The following CUX2 variants were observed in gnomAD, a reference collection of about 807,000 sequenced individuals.
CUX2 encodes homeobox protein cut-like 2.
Under a neutral mutation model 144.8 loss-of-function variants are expected in CUX2, and 40 were observed. The observed-to-expected ratio is 0.28, with a 90% CI of 0.21 to 0.36. The LOEUF (loss-of-function observed/expected upper bound fraction) is 0.36, where lower values mean the gene tolerates loss of function less well. CUX2 is among the 10% of genes least tolerant of loss of function. CUX2 has a pLI of 1.00. For synonymous variants in CUX2, 827 were observed against 875.6 expected, an observed-to-expected ratio of 0.94 and a Z score of 0.98; for missense variants, 1,615 against 1,994.0, an observed-to-expected ratio of 0.81 and a Z score of 3.62.
At chr12:111,335,482 A>G (rs1309609275) in intron 19 of CUX2, among the ~76,000 whole-genome samples, 1 of 152,112 alleles carries the variant, frequency 6.6e-6, no homozygotes, top group African/African-American at 2.4e-5. Context: ...AGGCCAAGGC[A>G]GGCGAATCAC....
In CUX2 at chr12:111,183,441, C is replaced by T. The variant is rs114525182; in HGVS notation, c.64-30759C>T. 6.8e-3 allele frequency among the ~76,000 whole-genome samples: 1,033 copies of T among 152,328 alleles called. 9 individuals carry two copies. The highest frequency in any genetic ancestry group is 0.024 in the African/African-American group (982 of 41,584). ...ATTCTGTGCAAGGAAATCTCAGGGT[C>T]TGAGGGGTCTGGCAATAGGCAGAAG... is the stretch of plus-strand genomic sequence containing the variant. On this transcript the variant is annotated intron_variant, in intron 1 of 21. Transcript: ENST00000261726.
At chr12:111,054,125 G>A (rs1463111584) in intron 1 of CUX2, among the ~76,000 whole-genome samples, 1 of 152,188 alleles carries the variant, frequency 6.6e-6, no homozygotes, top group Non-Finnish European at 1.5e-5. Context: ...CTGCACTCCA[G>A]CCTGGGTGAC....
chr12:111,126,016 A>C (rs2136102964), intron 1 of CUX2, among the ~76,000 whole-genome samples: 1 of 148,768 alleles, frequency 6.7e-6, no homozygotes, highest in South Asian at 2.1e-4. Flanking sequence ...ACGATGTATT[A>C]CGTTTGTTTG....
At chr12:111,043,674 G>A (rs1869855599) in intron 1 of CUX2, among the ~76,000 whole-genome samples, 2 of 152,108 alleles carry the variant, frequency 1.3e-5, no homozygotes, top group African/African-American at 2.4e-5. Flanking sequence ...TTAGCCAGGC[G>A]CGGTGGCTCA....
intron 1 of CUX2, among the ~76,000 whole-genome samples, chr12:111,100,794 T>C (rs764152802): frequency 1.3e-5 from 2 of 152,156 alleles, no homozygotes; most frequent in Non-Finnish European, 2.9e-5. Flanking sequence ...TGTGTGAGTA[T>C]GTATGTGAGC....
In CUX2 at chr12:111,293,314, G is replaced by A. The variant is rs1470002634; in HGVS notation, c.437-132G>A. Reference sequence around the variant, plus strand: ...GACATGCGGCCCGCAGGGCCCCACAGCTGCGCTCTCTCCAAGGCCCAAGTT... The same window carrying A: ...GACATGCGGCCCGCAGGGCCCCACAACTGCGCTCTCTCCAAGGCCCAAGTT... On this transcript the variant is annotated intron_variant, in intron 5 of 21. Coordinates refer to ENST00000261726, the MANE Select transcript of CUX2 (RefSeq NM_015267.4). This position sits in a 1 kb window ranked among gnomAD's most constrained non-coding sequence, Gnocchi z 4.5. The A allele has an allele frequency of 2.2e-6, 3 of 1,374,586 alleles. No individual in the cohort carries two copies. Among genetic ancestry groups the A allele is most frequent in the Non-Finnish European group, 2.9e-6 (3 of 1,034,316 alleles). The allele number at this position is 1,374,586 out of a possible 1,614,324, so 85.1% of individuals were successfully genotyped here.
At chr12:111,231,862 C>G (rs1352586964) in intron 3 of CUX2, among the ~76,000 whole-genome samples, 1 of 151,920 alleles carries the variant, frequency 6.6e-6, no homozygotes. Context: ...AATCCCAGCA[C>G]TTTGGGAGGC....
chr12:111,295,524 C>T lies in CUX2; in HGVS notation c.637+115C>T, dbSNP rs1344893308. 5.9e-6 allele frequency: 5 copies of T among 844,920 alleles called. No homozygotes were observed. The highest frequency in any genetic ancestry group is 5.4e-6 in the Non-Finnish European group (3 of 552,540). The allele number at this position is 844,920 out of a possible 1,614,324, so 52.3% of individuals were successfully genotyped here. On this transcript the variant is annotated intron_variant, in intron 7 of 21. Transcript: ENST00000261726. This position sits in a 1 kb window ranked among gnomAD's most constrained non-coding sequence, Gnocchi z 5.0. ...TCCAGGTGTTTTAGAATCAAGAGGGCAAAATGGGAGTTTGGGAAGAATAAT... is the reference window on the plus strand; with the variant it reads ...TCCAGGTGTTTTAGAATCAAGAGGGTAAAATGGGAGTTTGGGAAGAATAAT...
In CUX2 at chr12:111,310,055, G is replaced by A. The variant is rs1886805641; in HGVS notation, c.1273G>A (p.Glu425Lys). The A allele has an allele frequency of 2.2e-6, 3 of 1,354,820 alleles. No homozygotes were observed. The highest frequency in any genetic ancestry group is 2.8e-6 in the Non-Finnish European group (3 of 1,054,052). The allele number at this position is 1,354,820 out of a possible 1,614,324, so 83.9% of individuals were successfully genotyped here. The change falls in exon 15 of 22, where the codon GAG (glutamate) becomes AAG (lysine). Residue 425 changes from glutamate to lysine, a missense_variant. Glu to Lys is a moderately conservative substitution (Grantham distance 56). Coordinates refer to ENST00000261726, the MANE Select transcript of CUX2 (RefSeq NM_015267.4). This position sits in a 1 kb window ranked among gnomAD's most constrained non-coding sequence, Gnocchi z 7.9. ...LLASPEEDPS[E>K]DDSIKDSLGT... ...GGGTGTTCTAGAGGAAGACCCATCA[G>A]AGGACGATTCCATCAAGGATTCACT...
At chr12:111,316,073 T>C (rs995772454) in intron 16 of CUX2, among the ~76,000 whole-genome samples, 1 of 152,110 alleles carries the variant, frequency 6.6e-6, no homozygotes, top group Non-Finnish European at 1.5e-5. Context: ...CATGCTCCTC[T>C]GTGCTCCCAT....
intron 4 of CUX2, among the ~76,000 whole-genome samples, chr12:111,268,424 C>G (rs1884486692): frequency 6.6e-6 from 1 of 152,236 alleles, no homozygotes; most frequent in Admixed American, 6.5e-5. Flanking sequence ...TTCACAGGTT[C>G]CAGGCGTTAG....
intron 18 of CUX2, among the ~76,000 whole-genome samples, chr12:111,326,525 C>G (rs1565922978): frequency 6.6e-6 from 1 of 151,838 alleles, no homozygotes; most frequent in Admixed American, 6.6e-5. Context: ...GAGACATAGT[C>G]TCACTCTGTC....
chr12:111,273,917 C>T (rs537000416), intron 4 of CUX2, among the ~76,000 whole-genome samples: 19 of 152,318 alleles, frequency 1.2e-4, no homozygotes, highest in Non-Finnish European at 2.4e-4. Flanking sequence ...TTGCCCCATG[C>T]AATTCATTCA....
In CUX2 at chr12:111,295,272, C is replaced by T. The variant is rs1885910692; in HGVS notation, c.561-61C>T. 2 of 1,533,718 alleles carry T rather than the reference C, an allele frequency of 1.3e-6. No homozygotes were observed. Among genetic ancestry groups the T allele is most frequent in the African/African-American group, 1.4e-5 (1 of 72,754 alleles). ...GTAGGAAGCAAGATGGGGCTCGACT[C>T]GGGGGCCCCAGGCAAGGCCTGTCCC... On this transcript the variant is annotated intron_variant, in intron 6 of 21. Transcript: ENST00000261726. The surrounding 1 kb of genome is among the most constrained non-coding windows in gnomAD (Gnocchi z 5.0).
At position 111,039,370 on chromosome 12, in the gene CUX2, G is replaced by T. The variant is rs921442195; in HGVS notation, c.63+5130G>T. ...ATGGTAGAGGTTGGCAGGGGGGAAG[G>T]ACCCCAAGAACTGTATTCTGTGTGG... On this transcript the variant is annotated intron_variant, in intron 1 of 21. Coordinates refer to ENST00000261726, the MANE Select transcript of CUX2 (RefSeq NM_015267.4). This position sits in a 1 kb window ranked among gnomAD's most constrained non-coding sequence, Gnocchi z 4.2. Among the ~76,000 whole-genome samples the T allele has an allele frequency of 6.6e-6, 1 of 152,096 alleles. No homozygotes were observed. The highest frequency in any genetic ancestry group is 2.4e-5 in the African/African-American group (1 of 41,402).
chr12:111,320,107 G>A lies in CUX2; in HGVS notation c.2098G>A (p.Ala700Thr), dbSNP rs866757791. 1.3e-6 allele frequency: 2 copies of A among 1,557,716 alleles called. No homozygotes were observed. Among genetic ancestry groups the A allele is most frequent in the Non-Finnish European group, 1.7e-6 (2 of 1,155,054 alleles). The change falls in exon 17 of 22, where the codon GCA (alanine) becomes ACA (threonine). Residue 700 changes from alanine (A) to threonine (T), a missense_variant. Around this residue, in one of 12 missense-constraint regions of CUX2, gnomAD observed 390 missense variants for 387.1 expected, o/e 1.01. Coordinates refer to ENST00000261726, the MANE Select transcript of CUX2 (RefSeq NM_015267.4). The surrounding 1 kb of genome is among the most constrained non-coding windows in gnomAD (Gnocchi z 8.1). ...CGCCATCAAGAGCATCCTGGAGCAGGCACGCCGTGAGATGCAGGCGCAACA... is the reference window on the plus strand; with the variant it reads ...CGCCATCAAGAGCATCCTGGAGCAGACACGCCGTGAGATGCAGGCGCAACA... The part of the protein sequence containing the change: ...EDAIKSILEQ[A>T]RREMQAQQQA...
rs576438118 is a variant in CUX2 at position 111,178,479 on chromosome 12, C to T, written c.64-35721C>T. On this transcript the variant is annotated intron_variant, in intron 1 of 21. Coordinates refer to ENST00000261726, the MANE Select transcript of CUX2 (RefSeq NM_015267.4). The surrounding 1 kb of genome is among the most constrained non-coding windows in gnomAD (Gnocchi z 5.7). Reference sequence around the variant, plus strand: ...TTGGCTCAAGGGTGGACTTATGACCCGGTCCAGCCACTCCCCCTCCCCCAT... The same window carrying T: ...TTGGCTCAAGGGTGGACTTATGACCTGGTCCAGCCACTCCCCCTCCCCCAT... Among the ~76,000 whole-genome samples the T allele has an allele frequency of 9.9e-5, 15 of 152,242 alleles. No individual in the cohort carries two copies. The South Asian group carries it at 2.5e-3, about 25-fold the overall frequency.
rs540326459 is a variant in CUX2, at chr12:111,263,260, G to A, written c.223-501G>A. ...CGAGGCAGGGGAATCGCAGGAGGTC[G>A]AGACAAGCCTGGGCAACCTGTAGCA... is the stretch of plus-strand genomic sequence containing the variant. On this transcript the variant is annotated intron_variant, in intron 3 of 21. Transcript: ENST00000261726. The surrounding 1 kb of genome is among the most constrained non-coding windows in gnomAD (Gnocchi z 4.0). Among the ~76,000 whole-genome samples, 84 of 152,168 alleles carry A rather than the reference G, an allele frequency of 5.5e-4. No homozygotes were observed. The highest frequency in any genetic ancestry group is 1.1e-3 in the Non-Finnish European group (77 of 68,008).
At chr12:111,137,623 C>T (rs1875991301) in intron 1 of CUX2, among the ~76,000 whole-genome samples, 1 of 152,136 alleles carries the variant, frequency 6.6e-6, no homozygotes, top group African/African-American at 2.4e-5. Flanking sequence ...AGGTGGTTCT[C>T]CCACCTCAGC....
Sources: allele counts gnomAD v4.1 joint callset (sites outside exome capture counted in the v4.1 genomes callset), GRCh38; gene constraint gnomAD v4.1.1; regional missense constraint gnomAD v4.1.1; non-coding constraint Gnocchi (gnomAD v3.1); transcripts MANE v1.5; gene names NCBI Gene and HGNC (gene_info 2026-07-23, HGNC 2026-07-21).